C1QTNF3: variants seen among roughly 807,000 people sequenced by gnomAD.
The protein encoded by C1QTNF3 is complement C1q tumor necrosis factor-related protein 3.
C1QTNF3 carries 26 observed loss-of-function variants against 32.6 expected under a neutral mutation model. The observed-to-expected ratio is 0.80, with a 90% CI of 0.58 to 1.11. The LOEUF (loss-of-function observed/expected upper bound fraction) is 1.11, where lower values mean the gene tolerates loss of function less well. Ranked by LOEUF, C1QTNF3 falls within the 50% of genes least tolerant of loss-of-function variation. C1QTNF3 has a pLI of 0.00. For synonymous variants in C1QTNF3, 155 were observed against 146.0 expected (o/e 1.06, Z -0.44); for missense variants, 362 against 398.2 (o/e 0.91, Z 0.77).
At chr5:34,104,203 G>C in the C1QTNF3 span, among the ~76,000 whole-genome samples, 1 of 68,474 alleles carries the variant, frequency 1.5e-5, no homozygotes, top group African/African-American at 5.7e-5. Flanking sequence ...ATAGATCATA[G>C]GAGATCAAGA....
chr5:34,153,725 AG>A, the C1QTNF3 span, among the ~76,000 whole-genome samples: 26 of 98,218 alleles, frequency 2.6e-4, no homozygotes, highest in African/African-American at 1.0e-3. Context: ...GGGAGGGGGG[AG>A]GGATAGCATT....
chr5:34,148,080 A>C, the C1QTNF3 span, among the ~76,000 whole-genome samples: 2 of 151,548 alleles, frequency 1.3e-5, no homozygotes, highest in African/African-American at 2.4e-5. Flanking sequence ...TTTCCGAGTC[A>C]AAGAAAGGGG....
chr5:34,048,255 C>T, the C1QTNF3 span, among the ~76,000 whole-genome samples: 1 of 141,946 alleles, frequency 7.0e-6, no homozygotes, highest in Non-Finnish European at 1.5e-5. Context: ...GTGTGTTAAG[C>T]ATGGTAGTGT....
At chr5:34,092,845 T>G in the C1QTNF3 span, among the ~76,000 whole-genome samples, 2 of 152,006 alleles carry the variant, frequency 1.3e-5, no homozygotes, top group African/African-American at 4.8e-5. Context: ...ACTAGACTTG[T>G]TGGTTTTCAC....
chr5:34,031,064 A>C (rs986572892), intron 3 of C1QTNF3, among the ~76,000 whole-genome samples: 11 of 152,194 alleles, frequency 7.2e-5, no homozygotes, highest in African/African-American at 2.4e-4. Context: ...AAACCTGCAC[A>C]TGTACCCCTG....
the C1QTNF3 span, among the ~76,000 whole-genome samples, chr5:34,224,333 C>T: frequency 2.0e-5 from 3 of 151,784 alleles, no homozygotes; most frequent in Admixed American, 6.6e-5. Context: ...AAAAAGAGCC[C>T]GCATCGCCAA....
the C1QTNF3 span, among the ~76,000 whole-genome samples, chr5:34,097,275 A>G: frequency 6.6e-6 from 1 of 151,984 alleles, no homozygotes; most frequent in African/African-American, 2.4e-5. Context: ...TTGAACATTC[A>G]CCATCCTCTT....
chr5:34,058,675 C>A, the C1QTNF3 span, among the ~76,000 whole-genome samples: 1 of 152,138 alleles, frequency 6.6e-6, no homozygotes, highest in Admixed American at 6.5e-5. Flanking sequence ...AGTTTTTCCC[C>A]TTTCTCTAGG....
the C1QTNF3 span, among the ~76,000 whole-genome samples, chr5:34,128,440 C>T: frequency 9.9e-5 from 15 of 152,166 alleles, no homozygotes; most frequent in African/African-American, 3.1e-4. Context: ...TCCTATAGAA[C>T]CCAGAATGAT....
At chr5:34,219,585 C>T in the C1QTNF3 span, among the ~76,000 whole-genome samples, 10 of 151,606 alleles carry the variant, frequency 6.6e-5, no homozygotes, top group Admixed American at 4.0e-4. Flanking sequence ...AAAAAAAAAC[C>T]GCTTTGAAAC....
At chr5:34,193,444 T>A in the C1QTNF3 span, 2 of 697,992 alleles carry the variant, frequency 2.9e-6, no homozygotes, top group African/African-American at 3.9e-5. Context: ...ACCCCTGTTC[T>A]CCTCCTCAGA....
chr5:34,234,231 T>C, the C1QTNF3 span, among the ~76,000 whole-genome samples: 3 of 152,150 alleles, frequency 2.0e-5, no homozygotes, highest in Admixed American at 1.3e-4. Flanking sequence ...TTAAACCAAG[T>C]AGAAGGTGAT....
the C1QTNF3 span, among the ~76,000 whole-genome samples, chr5:34,157,714 G>A: frequency 6.6e-6 from 1 of 152,182 alleles, no homozygotes; most frequent in Non-Finnish European, 1.5e-5. Flanking sequence ...AATGTCGATA[G>A]CCTCTAGAAG....
At chr5:34,028,647 T>C in intron 4 of C1QTNF3, 107 bp downstream of exon 4, 1 of 1,010,392 alleles carries the variant, frequency 9.9e-7, no homozygotes, top group Non-Finnish European at 1.4e-6. Flanking sequence ...CCTCCTTCTT[T>C]CTCTCCCTCC....
chr5:34,048,156 C>G (rs967259502), upstream of C1QTNF3, among the ~76,000 whole-genome samples: 9 of 152,152 alleles, frequency 5.9e-5, no homozygotes, highest in African/African-American at 2.2e-4. Flanking sequence ...AACTCTCAAA[C>G]TGGCTACATG....
the C1QTNF3 span, chr5:34,165,624 T>C: frequency 1.8e-4 from 27 of 152,084 alleles, no homozygotes; most frequent in Non-Finnish European, 3.4e-4. Flanking sequence ...TATTTTTAAA[T>C]GAAGAAGTCT....
the C1QTNF3 span, among the ~76,000 whole-genome samples, chr5:34,079,120 AC>A: frequency 6.6e-6 from 1 of 151,574 alleles, no homozygotes; most frequent in Non-Finnish European, 1.5e-5. Flanking sequence ...AAACACATAA[AC>A]TAATGAAAAA....
At chr5:34,203,150 T>C in the C1QTNF3 span, among the ~76,000 whole-genome samples, 5 of 152,264 alleles carry the variant, frequency 3.3e-5, 1 homozygote, top group Middle Eastern at 6.8e-3. Context: ...AGCAAACTCA[T>C]AGGTCTTGTA....
chr5:34,125,813 G>A, the C1QTNF3 span, among the ~76,000 whole-genome samples: 1 of 152,056 alleles, frequency 6.6e-6, no homozygotes, highest in Admixed American at 6.6e-5. Context: ...TGTTGAAAAT[G>A]GTAAACACAA....
Sources: allele counts gnomAD v4.1 joint callset (sites outside exome capture counted in the v4.1 genomes callset), GRCh38; gene constraint gnomAD v4.1.1; transcripts MANE v1.5; gene names NCBI Gene and HGNC (gene_info 2026-07-23, HGNC 2026-07-21).